MCTP1: variants seen among roughly 807,000 people sequenced by gnomAD.
MCTP1 encodes multiple C2 and transmembrane domain containing 1.
Under a neutral mutation model 120.6 loss-of-function variants are expected in MCTP1, and 69 were observed. That is an observed-to-expected ratio of 0.57 (90% CI 0.47 to 0.70). MCTP1 has a LOEUF of 0.70. Ranked by LOEUF, MCTP1 falls within the 30% of genes least tolerant of loss-of-function variation. MCTP1 has a pLI of 0.00. For synonymous variants in MCTP1, 529 were observed against 493.1 expected, an observed-to-expected ratio of 1.07 and a Z score of -0.96; for missense variants, 1,203 against 1,248.8, an observed-to-expected ratio of 0.96 and a Z score of 0.55.
intron 1 of MCTP1, among the ~76,000 whole-genome samples, chr5:95,203,168 G>A (rs1256175102): frequency 6.6e-6 from 1 of 152,138 alleles, no homozygotes; most frequent in South Asian, 2.1e-4. Context: ...TGATTGGATG[G>A]CTTCCATTTT....
At chr5:95,033,193 G>A (rs1840612714) in intron 1 of MCTP1, among the ~76,000 whole-genome samples, 1 of 152,064 alleles carries the variant, frequency 6.6e-6, no homozygotes, top group Admixed American at 6.6e-5. Flanking sequence ...CCATAAAATT[G>A]AGTAGGAGGT....
chr5:95,179,369 G>T (rs183441798), intron 1 of MCTP1, among the ~76,000 whole-genome samples: 47 of 152,242 alleles, frequency 3.1e-4, no homozygotes, highest in South Asian at 2.1e-3. Context: ...CATCATCTAG[G>T]CACATAGTCA....
chr5:95,123,893 C>T (rs1260643425), intron 1 of MCTP1, among the ~76,000 whole-genome samples: 1 of 152,120 alleles, frequency 6.6e-6, no homozygotes, highest in Non-Finnish European at 1.5e-5. Flanking sequence ...TCATGATCCG[C>T]CCGCCTCGGC....
chr5:95,187,692 G>A (rs545224859), intron 1 of MCTP1, among the ~76,000 whole-genome samples: 2 of 152,268 alleles, frequency 1.3e-5, no homozygotes, highest in African/African-American at 4.8e-5. Context: ...GAGCCACCGC[G>A]CCTGGCAATC....
At chr5:95,244,436 C>T (rs1439163894) in intron 1 of MCTP1, among the ~76,000 whole-genome samples, 1 of 152,178 alleles carries the variant, frequency 6.6e-6, no homozygotes, top group African/African-American at 2.4e-5. Context: ...CAAGGGAAGC[C>T]GTGACAGACT....
intron 19 of MCTP1, among the ~76,000 whole-genome samples, chr5:94,776,783 C>T (rs1242037365): frequency 2.0e-5 from 3 of 152,072 alleles, no homozygotes; most frequent in East Asian, 1.9e-4. Flanking sequence ...AAGGAACCAA[C>T]GAATTTTTTA....
intron 10 of MCTP1, among the ~76,000 whole-genome samples, chr5:94,904,665 T>C (rs1405009180): frequency 6.6e-6 from 1 of 152,238 alleles, no homozygotes; most frequent in Non-Finnish European, 1.5e-5. Flanking sequence ...TCAATTACCT[T>C]TCCACAGTTA....
intron 16 of MCTP1, 102 bp downstream of exon 16, chr5:94,870,315 T>G (rs1336189776): frequency 2.9e-6 from 2 of 678,494 alleles, no homozygotes; most frequent in Non-Finnish European, 5.0e-6. Context: ...AAAATTCCAG[T>G]CTTCCCCCCT....
chr5:94,845,381 A>G (rs1792097797), intron 17 of MCTP1, among the ~76,000 whole-genome samples: 1 of 152,166 alleles, frequency 6.6e-6, no homozygotes, highest in Non-Finnish European at 1.5e-5. Flanking sequence ...CGAGGACACC[A>G]TGGGAAAACC....
intron 2 of MCTP1, among the ~76,000 whole-genome samples, chr5:94,983,983 T>C (rs1167029642): frequency 6.6e-6 from 1 of 152,166 alleles, no homozygotes; most frequent in African/African-American, 2.4e-5. Context: ...GAATATTGAA[T>C]TGCTCAAATT....
At chr5:94,848,790 A>G (rs759122563) in intron 17 of MCTP1, among the ~76,000 whole-genome samples, 14 of 151,946 alleles carry the variant, frequency 9.2e-5, no homozygotes, top group Non-Finnish European at 1.8e-4. Flanking sequence ...TTACAATTAA[A>G]TAATTTATCT....
chr5:94,878,753 T>C (rs927051951), intron 12 of MCTP1, among the ~76,000 whole-genome samples: 9 of 152,052 alleles, frequency 5.9e-5, no homozygotes, highest in African/African-American at 1.4e-4. Context: ...AATTTACTTA[T>C]AGTGGGAATG....
chr5:94,945,028 T>A (rs924112561), intron 3 of MCTP1, among the ~76,000 whole-genome samples: 4 of 152,190 alleles, frequency 2.6e-5, no homozygotes, highest in Non-Finnish European at 1.5e-5. Flanking sequence ...AAAACACATG[T>A]TATTTTCCCC....
chr5:94,895,479 C>T (rs1420266483), intron 10 of MCTP1, among the ~76,000 whole-genome samples: 1 of 152,096 alleles, frequency 6.6e-6, no homozygotes, highest in Non-Finnish European at 1.5e-5. Context: ...AGAGCTAATA[C>T]CCTGAAAACG....
At chr5:95,196,821 C>T (rs1401602203) in intron 1 of MCTP1, among the ~76,000 whole-genome samples, 1 of 152,118 alleles carries the variant, frequency 6.6e-6, no homozygotes, top group Non-Finnish European at 1.5e-5. Flanking sequence ...ATAGAATCAC[C>T]TATAAGGAAG....
intron 1 of MCTP1, among the ~76,000 whole-genome samples, chr5:95,194,724 G>T (rs921989889): frequency 6.6e-6 from 1 of 152,132 alleles, no homozygotes; most frequent in Non-Finnish European, 1.5e-5. Context: ...AGACCTGAAC[G>T]TTACTGAGAG....
At chr5:94,844,625 A>G (rs931874925) in intron 17 of MCTP1, among the ~76,000 whole-genome samples, 2 of 152,130 alleles carry the variant, frequency 1.3e-5, no homozygotes, top group African/African-American at 4.8e-5. Flanking sequence ...AGTAAGAAGG[A>G]ATGAAGGGCA....
At chr5:94,802,646 A>T (rs1180747043) in intron 17 of MCTP1, among the ~76,000 whole-genome samples, 2 of 152,222 alleles carry the variant, frequency 1.3e-5, no homozygotes, top group African/African-American at 4.8e-5. Context: ...AGGAGGGCCA[A>T]GACAATGAAG....
chr5:95,050,880 T>C (rs1293618877), intron 1 of MCTP1, among the ~76,000 whole-genome samples: 1 of 152,104 alleles, frequency 6.6e-6, no homozygotes, highest in Non-Finnish European at 1.5e-5. Flanking sequence ...ATGACTAGTA[T>C]CCTAATAAGA....
Sources: gnomAD v4.1 joint callset for allele counts (sites outside exome capture counted in the v4.1 genomes callset) on GRCh38, gnomAD v4.1.1 for gene constraint, MANE v1.5 for transcripts, NCBI Gene and HGNC (gene_info 2026-07-23, HGNC 2026-07-21) for gene names.